The following TSHZ3 variants were observed in gnomAD, a reference collection of about 807,000 sequenced individuals.
TSHZ3 encodes the protein teashirt zinc finger homeobox 3, also known as teashirt homolog 3.
TSHZ3 carries 10 observed loss-of-function variants against 64.5 expected under a neutral mutation model. The ratio of observed to expected loss-of-function variants is 0.16; its 90% CI spans 0.10 to 0.26. TSHZ3 has a LOEUF of 0.26. Ranked by LOEUF, TSHZ3 falls within the 10% of genes least tolerant of loss-of-function variation. TSHZ3 has a pLI of 1.00. For synonymous variants in TSHZ3, 608 were observed against 593.1 expected (o/e 1.03, Z -0.36); for missense variants, 1,242 against 1,421.7 (o/e 0.87, Z 2.03).
intron 1 of TSHZ3, among the ~76,000 whole-genome samples, chr19:31,345,965 T>G (rs963855147): frequency 4.6e-5 from 7 of 152,104 alleles, no homozygotes; most frequent in African/African-American, 1.7e-4. Context: ...GCACACCCCC[T>G]GGAAATTACA....
intron 1 of TSHZ3, among the ~76,000 whole-genome samples, chr19:31,329,102 T>C (rs902418854): frequency 9.2e-5 from 14 of 152,196 alleles, no homozygotes; most frequent in African/African-American, 3.4e-4. Flanking sequence ...CCAATCTTCA[T>C]GCGGCACATG....
chr19:31,235,985 A>G (rs1203279901), intron 3 of TSHZ3, among the ~76,000 whole-genome samples: 3 of 152,010 alleles, frequency 2.0e-5, no homozygotes, highest in Non-Finnish European at 4.4e-5. Context: ...TACAGGTGAG[A>G]GCTACCGTGC....
At chr19:31,346,537 G>C (rs1568388755) in intron 1 of TSHZ3, among the ~76,000 whole-genome samples, 1 of 152,118 alleles carries the variant, frequency 6.6e-6, no homozygotes, top group Non-Finnish European at 1.5e-5. Flanking sequence ...TTTTATGGCT[G>C]AGCGGACCTT....
chr19:31,183,705 A>G (rs1974760608), intron 5 of TSHZ3, among the ~76,000 whole-genome samples: 1 of 152,146 alleles, frequency 6.6e-6, no homozygotes, highest in Non-Finnish European at 1.5e-5. Context: ...GTGAGAGGTC[A>G]GCCACCCTCT....
intron 4 of TSHZ3, among the ~76,000 whole-genome samples, chr19:31,222,318 C>T (rs1975403444): frequency 6.6e-6 from 1 of 152,124 alleles, no homozygotes; most frequent in Admixed American, 6.5e-5. Flanking sequence ...TTGGAGTCCA[C>T]AATGGGAATG....
intron 1 of TSHZ3, among the ~76,000 whole-genome samples, chr19:31,299,777 T>C (rs2145140083): frequency 6.6e-6 from 1 of 152,316 alleles, no homozygotes; most frequent in South Asian, 2.1e-4. Context: ...GGTCTCTCAC[T>C]GACTGGGTCC....
chr19:31,173,176 G>A (rs1052698229), intron 5 of TSHZ3, among the ~76,000 whole-genome samples: 15 of 152,312 alleles, frequency 9.8e-5, no homozygotes, highest in Admixed American at 7.2e-4. Flanking sequence ...GACCAAGCTG[G>A]TAGCAGCAGT....
chr19:31,286,221 C>T (rs1451717062), intron 1 of TSHZ3, among the ~76,000 whole-genome samples: 1 of 152,192 alleles, frequency 6.6e-6, no homozygotes, highest in East Asian at 1.9e-4. Flanking sequence ...GACACATTTC[C>T]AGACAACTGC....
intron 1 of TSHZ3, among the ~76,000 whole-genome samples, chr19:31,325,429 A>C (rs879824927): frequency 6.6e-6 from 1 of 152,204 alleles, no homozygotes; most frequent in South Asian, 2.1e-4. Context: ...ACAGGGATTC[A>C]TATGCTTTCA....
chr19:31,200,950 C>T (rs1043561334), intron 5 of TSHZ3, among the ~76,000 whole-genome samples: 4 of 151,730 alleles, frequency 2.6e-5, no homozygotes, highest in African/African-American at 9.7e-5. Flanking sequence ...CTTTCAAATA[C>T]CACATATTAA....
intron 5 of TSHZ3, among the ~76,000 whole-genome samples, chr19:31,199,657 A>T (rs1334976438): frequency 6.7e-6 from 1 of 149,892 alleles, no homozygotes; most frequent in Non-Finnish European, 1.5e-5. Context: ...CTAGGGTTTG[A>T]TGGTAACCCT....
chr19:31,156,374 C>A (rs1287381329), exon 6 of TSHZ3, among the ~76,000 whole-genome samples: 5 of 152,140 alleles, frequency 3.3e-5, no homozygotes, highest in Non-Finnish European at 5.9e-5. Flanking sequence ...TTCCTAAAGG[C>A]AGTAGGTCTT....
intron 1 of TSHZ3, among the ~76,000 whole-genome samples, chr19:31,329,758 C>T (rs989419814): frequency 1.6e-4 from 24 of 152,266 alleles, no homozygotes; most frequent in Admixed American, 8.5e-4. Context: ...GGAACACCGC[C>T]CTGTGTAACT....
chr19:31,327,089 AC>A (rs752794649), intron 1 of TSHZ3, among the ~76,000 whole-genome samples: 2 of 152,176 alleles, frequency 1.3e-5, no homozygotes, highest in South Asian at 2.1e-4. Flanking sequence ...TAAAAAAAAA[AC>A]CAGCAGAGGA....
At chr19:31,324,891 T>C (rs1916886806) in intron 1 of TSHZ3, among the ~76,000 whole-genome samples, 1 of 152,234 alleles carries the variant, frequency 6.6e-6, no homozygotes. Flanking sequence ...GAGCATATTT[T>C]TCTCCAAGGA....
intron 3 of TSHZ3, among the ~76,000 whole-genome samples, chr19:31,230,032 T>C (rs1220138807): frequency 6.6e-6 from 1 of 152,180 alleles, no homozygotes; most frequent in African/African-American, 2.4e-5. Flanking sequence ...TACCCAGCAA[T>C]TCCTCTTCTA....
intron 1 of TSHZ3, 133 bp downstream of exon 1, chr19:31,349,047 A>C (rs1452267292): frequency 1.4e-5 from 17 of 1,177,524 alleles, no homozygotes; most frequent in Non-Finnish European, 1.8e-5. Context: ...GCACCCAAAC[A>C]GGAGAGCGGC....
intron 3 of TSHZ3, among the ~76,000 whole-genome samples, chr19:31,235,366 CT>C (rs1329483036): frequency 6.6e-6 from 1 of 152,258 alleles, no homozygotes; most frequent in East Asian, 1.9e-4. Flanking sequence ...ACCCCAACCC[CT>C]GATAGGCACC....
chr19:31,176,282 G>A (rs911800882), intron 5 of TSHZ3, among the ~76,000 whole-genome samples: 1 of 152,120 alleles, frequency 6.6e-6, no homozygotes, highest in African/African-American at 2.4e-5. Context: ...GGGGAGGAGG[G>A]GTGGGCACAT....
Sources: gnomAD v4.1 joint callset for allele counts (sites outside exome capture counted in the v4.1 genomes callset) on GRCh38, gnomAD v4.1.1 for gene constraint, MANE v1.5 for transcripts, NCBI Gene and HGNC (gene_info 2026-07-23, HGNC 2026-07-21) for gene names.